Variants in STARD13 observed in about 807,000 individuals in gnomAD.
STARD13 encodes the protein stAR-related lipid transfer protein 13.
In STARD13, 62 loss-of-function variants were observed where a neutral mutation model predicts 106.4. The ratio of observed to expected loss-of-function variants is 0.58; its 90% CI spans 0.48 to 0.72. The LOEUF (loss-of-function observed/expected upper bound fraction) is 0.72, where lower values mean the gene tolerates loss of function less well. Among genes scored for constraint, STARD13 ranks in the 30% least tolerant of loss-of-function variants. The pLI, the probability that STARD13 is intolerant of heterozygous loss-of-function variation, is 0.00. For synonymous variants in STARD13, 565 were observed against 553.0 expected, an observed-to-expected ratio of 1.02 and a Z score of -0.31; for missense variants, 1,387 against 1,424.0, an observed-to-expected ratio of 0.97 and a Z score of 0.42.
intron 1 of STARD13, among the ~76,000 whole-genome samples, chr13:33,310,301 C>T (rs527415416): frequency 6.6e-6 from 1 of 152,124 alleles, no homozygotes; most frequent in African/African-American, 2.4e-5. Flanking sequence ...TAGGGGATTG[C>T]AAAAGGGAAA....
chr13:33,334,183 A>G (rs1291710644), intron 1 of STARD13: 1 of 152,268 alleles, frequency 6.6e-6, no homozygotes, highest in Non-Finnish European at 1.5e-5. Flanking sequence ...TTGCAAGAGA[A>G]GTAAGAGAAG....
chr13:33,221,879 G>C (rs1199307791), intron 1 of STARD13, among the ~76,000 whole-genome samples: 1 of 152,148 alleles, frequency 6.6e-6, no homozygotes, highest in Non-Finnish European at 1.5e-5. Flanking sequence ...GGCTGGGTGC[G>C]GTGGCTCCCA....
the STARD13 span, among the ~76,000 whole-genome samples, chr13:33,668,084 T>C: frequency 1.3e-5 from 2 of 152,228 alleles, no homozygotes; most frequent in Non-Finnish European, 2.9e-5. Flanking sequence ...TCTTCCACCA[T>C]GTGGCTGCGC....
chr13:33,285,424 A>G (rs1892005297), intron 1 of STARD13, 46 bp downstream of exon 1: 2 of 1,579,090 alleles, frequency 1.3e-6, no homozygotes, highest in Non-Finnish European at 1.7e-6. Flanking sequence ...AAATAGAGCC[A>G]ACAGAAATCA....
the STARD13 span, among the ~76,000 whole-genome samples, chr13:33,382,472 T>G: frequency 6.6e-6 from 1 of 152,186 alleles, no homozygotes; most frequent in Middle Eastern, 3.2e-3. Flanking sequence ...TAATTGTAAG[T>G]TTATTTATGT....
the STARD13 span, among the ~76,000 whole-genome samples, chr13:33,470,658 A>G: frequency 6.6e-6 from 1 of 152,114 alleles, no homozygotes; most frequent in Non-Finnish European, 1.5e-5. Context: ...TTTGATTTGC[A>G]TTTCTCTAAT....
At chr13:33,224,043 T>G (rs562877607) in intron 1 of STARD13, among the ~76,000 whole-genome samples, 1 of 152,162 alleles carries the variant, frequency 6.6e-6, no homozygotes, top group African/African-American at 2.4e-5. Context: ...TAGGCTTGAT[T>G]GAGCCAATAG....
the STARD13 span, among the ~76,000 whole-genome samples, chr13:33,498,740 A>T: frequency 6.6e-6 from 1 of 152,252 alleles, no homozygotes; most frequent in Non-Finnish European, 1.5e-5. Context: ...TCCAAGTTAT[A>T]AAATAGTAAA....
chr13:33,623,519 A>G, the STARD13 span, among the ~76,000 whole-genome samples: 2 of 151,676 alleles, frequency 1.3e-5, no homozygotes, highest in African/African-American at 2.4e-5. Flanking sequence ...ATGTATGTAC[A>G]TACATACAAA....
chr13:33,494,462 C>T, the STARD13 span, among the ~76,000 whole-genome samples: 1 of 152,090 alleles, frequency 6.6e-6, no homozygotes, highest in Non-Finnish European at 1.5e-5. Context: ...GAATAAACCA[C>T]CACTTGCAAG....
chr13:33,497,704 C>G, the STARD13 span, among the ~76,000 whole-genome samples: 1 of 152,176 alleles, frequency 6.6e-6, no homozygotes, highest in Admixed American at 6.5e-5. Context: ...AGAGCTATTA[C>G]TGTAGTTTCA....
chr13:33,361,861 A>G, the STARD13 span, among the ~76,000 whole-genome samples: 1 of 152,230 alleles, frequency 6.6e-6, no homozygotes, highest in African/African-American at 2.4e-5. Flanking sequence ...ACAATTCAAC[A>G]TGAGATTTGG....
At chr13:33,235,196 C>A (rs912658264) in intron 1 of STARD13, among the ~76,000 whole-genome samples, 2 of 152,154 alleles carry the variant, frequency 1.3e-5, no homozygotes, top group African/African-American at 4.8e-5. Flanking sequence ...GGCTCACAAG[C>A]AACACTGGAC....
chr13:33,370,647 C>T, the STARD13 span, among the ~76,000 whole-genome samples: 1 of 128,266 alleles, frequency 7.8e-6, no homozygotes, highest in African/African-American at 3.1e-5. Context: ...GAGACAGAGT[C>T]TCATTCTGTC....
At chr13:33,152,400 C>A (rs1473812) in intron 3 of STARD13, among the ~76,000 whole-genome samples, 1 of 147,052 alleles carries the variant, frequency 6.8e-6, no homozygotes. Context: ...CTGCTAACCC[C>A]GAGGCTTCAG....
At chr13:33,454,206 T>C in the STARD13 span, among the ~76,000 whole-genome samples, 1 of 152,198 alleles carries the variant, frequency 6.6e-6, no homozygotes, top group Non-Finnish European at 1.5e-5. Context: ...GGAGGACTGA[T>C]ACAGACTGTT....
At chr13:33,566,062 G>A in the STARD13 span, among the ~76,000 whole-genome samples, 1 of 148,258 alleles carries the variant, frequency 6.7e-6, no homozygotes, top group East Asian at 2.0e-4. Context: ...CAATTCATAA[G>A]TGTTAAGTGC....
chr13:33,427,847 C>T, the STARD13 span, among the ~76,000 whole-genome samples: 1 of 151,230 alleles, frequency 6.6e-6, no homozygotes, highest in Non-Finnish European at 1.5e-5. Flanking sequence ...CCTAGCTACT[C>T]GGGAGGCAGA....
upstream of STARD13, among the ~76,000 whole-genome samples, chr13:33,288,486 G>A (rs1226081994): frequency 6.6e-6 from 1 of 151,570 alleles, no homozygotes; most frequent in Non-Finnish European, 1.5e-5. Flanking sequence ...TGCTTCCTAA[G>A]CTGATGGCAA....
Sources: allele counts gnomAD v4.1 joint callset (sites outside exome capture counted in the v4.1 genomes callset), GRCh38; gene constraint gnomAD v4.1.1; transcripts MANE v1.5; gene names NCBI Gene and HGNC (gene_info 2026-07-23, HGNC 2026-07-21).